The following ADCY2 variants were observed in gnomAD, a reference collection of about 807,000 sequenced individuals.
ADCY2 encodes adenylate cyclase type 2.
ADCY2 carries 31 observed loss-of-function variants against 125.2 expected under a neutral mutation model. The observed-to-expected ratio is 0.25, with a 90% CI of 0.19 to 0.33. The LOEUF (loss-of-function observed/expected upper bound fraction) is 0.33, where lower values mean the gene tolerates loss of function less well. Among genes scored for constraint, ADCY2 ranks in the 10% least tolerant of loss-of-function variants. ADCY2 has a pLI of 1.00. For synonymous variants in ADCY2, 512 were observed against 548.4 expected (o/e 0.93, Z 0.93); for missense variants, 904 against 1,418.2 (o/e 0.64, Z 5.82).
At chr5:7,731,009 G>A (rs182017406) in intron 14 of ADCY2, among the ~76,000 whole-genome samples, 96 of 152,042 alleles carry the variant, frequency 6.3e-4, no homozygotes, top group Middle Eastern at 6.8e-3. Context: ...CTTTCCTCTG[G>A]AGTTCTTGTA....
At chr5:7,470,826 C>T (rs1742308755) in intron 2 of ADCY2, among the ~76,000 whole-genome samples, 1 of 151,430 alleles carries the variant, frequency 6.6e-6, no homozygotes, top group Non-Finnish European at 1.5e-5. Context: ...CTCCTCATTA[C>T]TGATTTTCTG....
chr5:7,478,915 C>T (rs1187373365), intron 2 of ADCY2, among the ~76,000 whole-genome samples: 1 of 152,068 alleles, frequency 6.6e-6, no homozygotes. Context: ...TTTGATAGTT[C>T]AGCGTGTCAT....
intron 4 of ADCY2, among the ~76,000 whole-genome samples, chr5:7,642,983 C>T (rs1738761972): frequency 6.6e-6 from 1 of 151,880 alleles, no homozygotes; most frequent in Non-Finnish European, 1.5e-5. Context: ...AAGAACCATA[C>T]CTACTAACAA....
intron 4 of ADCY2, among the ~76,000 whole-genome samples, chr5:7,654,953 C>T (rs1739269852): frequency 6.6e-6 from 1 of 152,094 alleles, no homozygotes; most frequent in African/African-American, 2.4e-5. Context: ...GAAATGCATA[C>T]CTAGAGGATG....
chr5:7,676,597 C>A (rs1189422522), intron 4 of ADCY2, among the ~76,000 whole-genome samples: 1 of 152,110 alleles, frequency 6.6e-6, no homozygotes, highest in Non-Finnish European at 1.5e-5. Flanking sequence ...TGAGTCACTG[C>A]ATTTGTAGAC....
At chr5:7,609,156 G>T (rs925081066) in intron 3 of ADCY2, among the ~76,000 whole-genome samples, 3 of 152,168 alleles carry the variant, frequency 2.0e-5, no homozygotes, top group African/African-American at 7.2e-5. Context: ...AATTCTTCAT[G>T]TCTCTTCTGA....
intron 3 of ADCY2, among the ~76,000 whole-genome samples, chr5:7,596,207 C>T (rs563793266): frequency 1.3e-5 from 2 of 152,028 alleles, no homozygotes; most frequent in South Asian, 4.2e-4. Context: ...GATAACTAGA[C>T]ACACAAAATG....
intron 3 of ADCY2, among the ~76,000 whole-genome samples, chr5:7,545,117 A>C (rs959467947): frequency 6.6e-6 from 1 of 152,162 alleles, no homozygotes; most frequent in Non-Finnish European, 1.5e-5. Flanking sequence ...ACTTTTGCCT[A>C]TTCTGGTCAT....
intron 4 of ADCY2, among the ~76,000 whole-genome samples, chr5:7,659,790 A>G (rs1739462648): frequency 6.6e-6 from 1 of 152,270 alleles, no homozygotes; most frequent in Non-Finnish European, 1.5e-5. Context: ...ACTGTGGCCC[A>G]GCTACACACA....
chr5:7,679,877 G>C (rs773273395), intron 4 of ADCY2, among the ~76,000 whole-genome samples: 2 of 152,072 alleles, frequency 1.3e-5, no homozygotes, highest in Admixed American at 6.5e-5. Context: ...GGCTGGGTAC[G>C]TCTCACCCAG....
chr5:7,696,786 A>G (rs1008241191), intron 6 of ADCY2, among the ~76,000 whole-genome samples: 5 of 152,156 alleles, frequency 3.3e-5, no homozygotes, highest in African/African-American at 1.2e-4. Flanking sequence ...AAACTCCCCA[A>G]GGTTTTTGCC....
At position 7,464,899 on chromosome 5, in the gene ADCY2, C is replaced by T. The variant is rs965648312; in HGVS notation, c.408+50129C>T. ...TTCACATTGCTGATAAAGACATACC[C>T]GAGACTGGGTAATTTTTAATGGACC... On this transcript the variant is annotated intron_variant, in intron 2 of 24. Transcript: ENST00000338316. Among the ~76,000 whole-genome samples, 85 of 152,052 alleles carry T rather than the reference C, an allele frequency of 5.6e-4. 1 individual carries two copies. The highest frequency in any genetic ancestry group is 1.8e-3 in the African/African-American group (73 of 41,390).
chr5:7,457,244 G>A (rs1264412601), intron 2 of ADCY2, among the ~76,000 whole-genome samples: 2 of 152,182 alleles, frequency 1.3e-5, no homozygotes, highest in African/African-American at 4.8e-5. Context: ...ATATCAGTTA[G>A]CTTTAGTACT....
At chr5:7,743,888 C>A in intron 15 of ADCY2, 136 bp downstream of exon 15, 1 of 758,828 alleles carries the variant, frequency 1.3e-6, no homozygotes, top group Non-Finnish European at 2.2e-6. Context: ...TAAGGAAACA[C>A]ACACCCTTCA....
chr5:7,694,961 A>G (rs1173944172), intron 5 of ADCY2, among the ~76,000 whole-genome samples: 1 of 152,214 alleles, frequency 6.6e-6, no homozygotes, highest in African/African-American at 2.4e-5. Flanking sequence ...AGCCATCCTA[A>G]TGACTGTGAA....
Position 7,468,367 on chromosome 5 carries a change from G to C in ADCY2, c.409-52371G>C, listed in dbSNP as rs1742205911. 3.3e-5 allele frequency among the ~76,000 whole-genome samples: 5 copies of C among 152,114 alleles called. No individual in the cohort carries two copies. In the South Asian group the frequency reaches 1.0e-3, roughly 31 times the overall value. On this transcript the variant is annotated intron_variant, in intron 2 of 24. Coordinates refer to ENST00000338316, the MANE Select transcript of ADCY2 (RefSeq NM_020546.3). ...AACAGTGATGGACTTGGCTAGGCCA[G>C]GACATTCCTAAAGAAAAGCTGCCCA... is the stretch of plus-strand genomic sequence containing the variant.
In ADCY2 at chr5:7,414,580, A is replaced by T; in HGVS notation, c.218A>T (p.Glu73Val). 6.2e-7 allele frequency: 1 copy of T among 1,609,778 alleles called. No homozygotes were observed. The change falls in exon 2 of 25, where the codon GAA becomes GTA. Residue 73 changes from glutamate (E) to valine (V), a missense_variant. This residue lies in a region of ADCY2 where 113 missense variants were observed against 108.0 expected (regional missense o/e 1.05). Transcript: ENST00000338316. ...AVFFALGLEV[E>V]DHVAFLITVP... ...ATTTTTTTATCTCCTCAGGAAGTTGAAGACCATGTGGCGTTTCTAATAACA... is the reference window on the plus strand; with the variant it reads ...ATTTTTTTATCTCCTCAGGAAGTTGTAGACCATGTGGCGTTTCTAATAACA...
At chr5:7,405,453 T>C (rs1421013512) in intron 1 of ADCY2, among the ~76,000 whole-genome samples, 1 of 152,180 alleles carries the variant, frequency 6.6e-6, no homozygotes, top group African/African-American at 2.4e-5. Context: ...AATAGCTACA[T>C]TTATGTGTGT....
At chr5:7,473,795 A>G (rs544188296) in intron 2 of ADCY2, among the ~76,000 whole-genome samples, 37 of 152,218 alleles carry the variant, frequency 2.4e-4, no homozygotes, top group African/African-American at 8.7e-4. Context: ...CTAGCTCCCA[A>G]CCTTTCTTAT....
Sources: allele counts gnomAD v4.1 joint callset (sites outside exome capture counted in the v4.1 genomes callset), GRCh38; gene constraint gnomAD v4.1.1; regional missense constraint gnomAD v4.1.1; transcripts MANE v1.5; gene names NCBI Gene and HGNC (gene_info 2026-07-23, HGNC 2026-07-21).